DSCAM: variants seen among roughly 807,000 people sequenced by gnomAD.
DSCAM encodes the protein DS cell adhesion molecule.
DSCAM carries 47 observed loss-of-function variants against 217.7 expected under a neutral mutation model. That is an observed-to-expected ratio of 0.22 (90% CI 0.17 to 0.28). The LOEUF (loss-of-function observed/expected upper bound fraction) is 0.28, where lower values mean the gene tolerates loss of function less well. Ranked by LOEUF, DSCAM falls within the 10% of genes least tolerant of loss-of-function variation. DSCAM has a pLI of 1.00. For missense variants in DSCAM, 2,080 were observed against 2,618.3 expected (o/e 0.79, Z 4.49); for synonymous variants, 1,056 against 1,015.3 (o/e 1.04, Z -0.76).
intron 3 of DSCAM, among the ~76,000 whole-genome samples, chr21:40,488,521 T>C (rs1274068078): frequency 3.3e-5 from 5 of 152,090 alleles, no homozygotes; most frequent in African/African-American, 9.7e-5. Context: ...CTTTTTATTC[T>C]TTTCTGTCTC....
chr21:40,448,398 T>C (rs1220130046), intron 3 of DSCAM, among the ~76,000 whole-genome samples: 2 of 152,112 alleles, frequency 1.3e-5, no homozygotes, highest in Non-Finnish European at 2.9e-5. Context: ...ACATTTGGAC[T>C]CTAGGACTTA....
At chr21:40,615,221 G>A (rs944128775) in intron 3 of DSCAM, among the ~76,000 whole-genome samples, 8 of 146,706 alleles carry the variant, frequency 5.5e-5, no homozygotes, top group African/African-American at 2.0e-4. Flanking sequence ...GGTGGAGGTT[G>A]CAGTGAGCCA....
intron 11 of DSCAM, among the ~76,000 whole-genome samples, chr21:40,227,352 G>A (rs2091342664): frequency 6.6e-6 from 1 of 152,302 alleles, no homozygotes; most frequent in South Asian, 2.1e-4. Flanking sequence ...CCACCTTCCT[G>A]AAGATAGAAC....
chr21:40,017,615 G>A lies in DSCAM; in HGVS notation c.5687-4229C>T, dbSNP rs551245733. Among the ~76,000 whole-genome samples, 507 of 151,476 alleles carry A rather than the reference G, an allele frequency of 3.3e-3. 6 individuals are homozygous for A. The highest frequency in any genetic ancestry group is 5.3e-3 in the Non-Finnish European group (359 of 67,920). The stretch of plus-strand genomic sequence containing the variant: ...TTGCTCTTGTCGCCCAGGCTGGAGT[G>A]CAACTCGGTTCGCCACAACCTCCAC... On this transcript the variant is annotated intron_variant, in intron 32 of 32. Transcript: ENST00000400454.
chr21:40,382,366 T>C (rs949615595), intron 3 of DSCAM, among the ~76,000 whole-genome samples: 1 of 152,186 alleles, frequency 6.6e-6, no homozygotes, highest in Non-Finnish European at 1.5e-5. Context: ...GTATATCTTG[T>C]ATCATTTCCT....
intron 3 of DSCAM, among the ~76,000 whole-genome samples, chr21:40,518,597 CAT>C (rs200331272): frequency 0.049 from 4,395 of 89,736 alleles, 253 homozygotes; most frequent in African/African-American, 0.13. Context: ...TACACACACA[CAT>C]ATATACATAC....
intron 3 of DSCAM, among the ~76,000 whole-genome samples, chr21:40,684,721 T>A (rs1312505518): frequency 6.6e-6 from 1 of 152,230 alleles, no homozygotes. Context: ...ATTTGTGACA[T>A]CTATTTTAGC....
intron 1 of DSCAM, among the ~76,000 whole-genome samples, chr21:40,841,231 T>C (rs1265448871): frequency 6.6e-6 from 1 of 152,134 alleles, no homozygotes; most frequent in East Asian, 1.9e-4. Context: ...ACCAAAATCC[T>C]GTCCCTGCTT....
chr21:40,307,002 A>G (rs1368405445), intron 9 of DSCAM, among the ~76,000 whole-genome samples: 3 of 152,110 alleles, frequency 2.0e-5, no homozygotes, highest in East Asian at 3.9e-4. Flanking sequence ...GATTGGAATA[A>G]TTTCAGAAGG....
At chr21:40,527,246 T>C (rs1261600818) in intron 3 of DSCAM, among the ~76,000 whole-genome samples, 2 of 152,206 alleles carry the variant, frequency 1.3e-5, no homozygotes, top group Non-Finnish European at 2.9e-5. Flanking sequence ...TAATCCTCCA[T>C]GTCTCCAAGT....
At chr21:40,071,328 C>G (rs552638275) in intron 27 of DSCAM, among the ~76,000 whole-genome samples, 1 of 152,040 alleles carries the variant, frequency 6.6e-6, no homozygotes, top group Non-Finnish European at 1.5e-5. Context: ...TTTAGGAGGT[C>G]GCCATGCTCT....
In DSCAM at chr21:40,270,171, T is replaced by C. The variant is rs146686273; in HGVS notation, c.2356+5926A>G. On this transcript the variant is annotated intron_variant, in intron 11 of 32. Transcript: ENST00000400454. ...GCAGCTGCTGAGGGGTTTCCTTCACTAAGCAATGTCCCCTCCAGCACACTT... is the reference window on the plus strand; with the variant it reads ...GCAGCTGCTGAGGGGTTTCCTTCACCAAGCAATGTCCCCTCCAGCACACTT... 2.0e-3 allele frequency among the ~76,000 whole-genome samples: 310 copies of C among 152,362 alleles called. 4 individuals carry two copies. Among genetic ancestry groups the C allele is most frequent in the African/African-American group, 4.2e-3 (175 of 41,594 alleles).
intron 3 of DSCAM, among the ~76,000 whole-genome samples, chr21:40,689,672 C>A (rs1415804867): frequency 1.3e-5 from 2 of 152,228 alleles, no homozygotes; most frequent in African/African-American, 4.8e-5. Context: ...CTGGAACAAA[C>A]TTCCCAGCCA....
intron 3 of DSCAM, among the ~76,000 whole-genome samples, chr21:40,635,230 G>A (rs758860502): frequency 1.3e-5 from 2 of 152,254 alleles, no homozygotes; most frequent in Non-Finnish European, 2.9e-5. Flanking sequence ...AAGAGAAAGC[G>A]AAGACACACA....
chr21:40,647,677 T>A (rs2089964038), intron 3 of DSCAM, among the ~76,000 whole-genome samples: 1 of 152,232 alleles, frequency 6.6e-6, no homozygotes, highest in African/African-American at 2.4e-5. Context: ...AGAAATTATG[T>A]CCATTCAAAA....
chr21:40,374,890 A>AT (rs1041711141), intron 3 of DSCAM, among the ~76,000 whole-genome samples: 15 of 152,112 alleles, frequency 9.9e-5, no homozygotes, highest in African/African-American at 3.1e-4. Flanking sequence ...TGAGAGATAA[A>AT]TTTTTGTGGT....
At chr21:40,530,769 C>T (rs936326242) in intron 3 of DSCAM, among the ~76,000 whole-genome samples, 4 of 152,136 alleles carry the variant, frequency 2.6e-5, no homozygotes, top group Admixed American at 6.5e-5. Flanking sequence ...CCCACCCCAT[C>T]GCTCGATAAG....
At chr21:40,574,866 C>A (rs984477719) in intron 3 of DSCAM, among the ~76,000 whole-genome samples, 6 of 152,100 alleles carry the variant, frequency 3.9e-5, no homozygotes, top group African/African-American at 1.4e-4. Context: ...CGCCCCTGCA[C>A]CTGGCTAAGG....
At chr21:40,523,338 C>T (rs1428521313) in intron 3 of DSCAM, among the ~76,000 whole-genome samples, 6 of 151,988 alleles carry the variant, frequency 3.9e-5, no homozygotes, top group Admixed American at 1.3e-4. Flanking sequence ...ATAAAAACCC[C>T]GAGACTCTAG....
Sources: allele counts gnomAD v4.1 joint callset (sites outside exome capture counted in the v4.1 genomes callset), GRCh38; gene constraint gnomAD v4.1.1; transcripts MANE v1.5; gene names NCBI Gene and HGNC (gene_info 2026-07-23, HGNC 2026-07-21).